PLA2G5: variants seen among roughly 807,000 people sequenced by gnomAD.
The protein encoded by PLA2G5 is phospholipase A2 group V.
A neutral mutation model predicts 15.9 loss-of-function variants in PLA2G5; 12 were observed. The ratio of observed to expected loss-of-function variants is 0.76; its 90% CI spans 0.48 to 1.23. PLA2G5 has a LOEUF of 1.23. PLA2G5 is among the 50% of genes most tolerant of loss of function. The pLI, the probability that PLA2G5 is intolerant of heterozygous loss-of-function variation, is 0.00. For synonymous variants in PLA2G5, 71 were observed against 71.4 expected, an observed-to-expected ratio of 0.99 and a Z score of 0.03; for missense variants, 169 against 177.1, an observed-to-expected ratio of 0.95 and a Z score of 0.26.
chr1:20,028,700 G>A (rs1471755547), exon 1 of PLA2G5: 7 of 152,248 alleles, frequency 4.6e-5, no homozygotes, highest in Non-Finnish European at 1.5e-5. Context: ...AGACTGACTG[G>A]GCTATGAAGG....
intron 2 of PLA2G5, among the ~76,000 whole-genome samples, chr1:20,061,634 A>G (rs1300612085): frequency 6.6e-6 from 1 of 151,730 alleles, no homozygotes; most frequent in Non-Finnish European, 1.5e-5. Flanking sequence ...ATGAAAGCAG[A>G]TTTCTCCTTT....
intron 1 of PLA2G5, among the ~76,000 whole-genome samples, chr1:20,044,051 G>C (rs1317880441): frequency 2.0e-5 from 3 of 152,206 alleles, no homozygotes; most frequent in Non-Finnish European, 4.4e-5. Flanking sequence ...GAGCTGGGCA[G>C]TCTGATTTCC....
Position 20,084,813 on chromosome 1 carries a change from T to A in PLA2G5, c.-10-8T>A. ...TAGATCTGTTGTGGGATGTGTTTTT[T>A]TTTCCAGAACCCCAGAGATGAAAGG... On this transcript the variant is annotated splice_region_variant and splice_polypyrimidine_tract_variant and intron_variant, in intron 1 of 4. Coordinates refer to ENST00000375108, the MANE Select transcript of PLA2G5 (RefSeq NM_000929.3). The A allele has an allele frequency of 6.2e-7, 1 of 1,602,982 alleles. No homozygotes were observed. Among genetic ancestry groups the A allele is most frequent in the Non-Finnish European group, 8.5e-7 (1 of 1,169,808 alleles).
chr1:20,048,098 A>G (rs2014008007), intron 1 of PLA2G5, among the ~76,000 whole-genome samples: 1 of 152,162 alleles, frequency 6.6e-6, no homozygotes. Context: ...TGTTGTGTAC[A>G]CAATGTTTCA....
chr1:20,061,805 G>A (rs571270520), intron 2 of PLA2G5, among the ~76,000 whole-genome samples: 15 of 152,270 alleles, frequency 9.9e-5, no homozygotes, highest in African/African-American at 3.6e-4. Flanking sequence ...TTGTATTTGT[G>A]TATCTTATCT....
chr1:20,064,978 A>G (rs1187740013), intron 2 of PLA2G5, among the ~76,000 whole-genome samples: 1 of 152,220 alleles, frequency 6.6e-6, no homozygotes, highest in African/African-American at 2.4e-5. Context: ...GTACTGCCTG[A>G]GAGCACCAAA....
intron 1 of PLA2G5, among the ~76,000 whole-genome samples, chr1:20,048,226 CTT>C (rs1004863820): frequency 3.2e-4 from 48 of 152,144 alleles, no homozygotes; most frequent in African/African-American, 1.1e-3. Context: ...AGTTTAATAA[CTT>C]AAGTAAAATC....
chr1:20,055,588 C>T (rs1468966075), intron 1 of PLA2G5, among the ~76,000 whole-genome samples: 1 of 152,160 alleles, frequency 6.6e-6, no homozygotes, highest in Non-Finnish European at 1.5e-5. Context: ...TAGACCTCTC[C>T]AGAAGCTCCC....
intron 2 of PLA2G5, among the ~76,000 whole-genome samples, chr1:20,060,056 A>C (rs1282031309): frequency 6.6e-6 from 1 of 152,030 alleles, no homozygotes; most frequent in Non-Finnish European, 1.5e-5. Flanking sequence ...TGAGGAAGTG[A>C]GAAAAGCCCA....
intron 1 of PLA2G5, among the ~76,000 whole-genome samples, chr1:20,076,572 C>T (rs929365417): frequency 3.6e-5 from 5 of 139,756 alleles, no homozygotes; most frequent in African/African-American, 1.3e-4. Context: ...GATGAGGTAC[C>T]TAACATCTGC....
At chr1:20,060,247 C>CTTCTTTTT (rs2014643351) in intron 2 of PLA2G5, among the ~76,000 whole-genome samples, 2 of 83,690 alleles carry the variant, frequency 2.4e-5, no homozygotes, top group East Asian at 9.8e-4. Flanking sequence ...CTTTTTTCTT[C>CTTCTTTTT]TTTTTTTTTT....
chr1:20,042,104 T>G (rs1260576147), intron 1 of PLA2G5, among the ~76,000 whole-genome samples: 1 of 152,170 alleles, frequency 6.6e-6, no homozygotes, highest in Non-Finnish European at 1.5e-5. Flanking sequence ...AGAGTCAGTA[T>G]GAATATTGAC....
At chr1:20,084,721 G>A in intron 1 of PLA2G5, 100 bp from the exon 2 acceptor site, 2 of 797,674 alleles carry the variant, frequency 2.5e-6, no homozygotes, top group Non-Finnish European at 2.2e-6. Flanking sequence ...ATGACGGGGA[G>A]TGGAATAGAT....
chr1:20,078,665 T>C (rs1280069543), intron 1 of PLA2G5, among the ~76,000 whole-genome samples: 1 of 152,104 alleles, frequency 6.6e-6, no homozygotes, highest in Non-Finnish European at 1.5e-5. Flanking sequence ...TTGAGTTGAA[T>C]TCACAGGGTT....
chr1:20,083,188 G>C (rs1252494656), intron 1 of PLA2G5, among the ~76,000 whole-genome samples: 2 of 151,880 alleles, frequency 1.3e-5, no homozygotes, highest in African/African-American at 2.4e-5. Context: ...GCTATGGGTG[G>C]ACAGAACCCT....
intron 1 of PLA2G5, among the ~76,000 whole-genome samples, chr1:20,071,463 A>G (rs543671792): frequency 3.3e-5 from 5 of 152,306 alleles, no homozygotes; most frequent in African/African-American, 1.2e-4. Context: ...CAAAGTATTA[A>G]TAAAAGACAC....
chr1:20,032,698 G>A (rs1311013817), intron 1 of PLA2G5, among the ~76,000 whole-genome samples: 1 of 152,180 alleles, frequency 6.6e-6, no homozygotes, highest in Non-Finnish European at 1.5e-5. Context: ...TGGAACTTGG[G>A]CAAGACAATT....
chr1:20,043,778 AC>A (rs1270797904), intron 1 of PLA2G5, among the ~76,000 whole-genome samples: 1 of 152,202 alleles, frequency 6.6e-6, no homozygotes, highest in Non-Finnish European at 1.5e-5. Context: ...AATACCCACA[AC>A]AGTTATGGGG....
upstream of PLA2G5, among the ~76,000 whole-genome samples, chr1:20,069,700 A>AAAGG (rs1323264092): frequency 1.3e-5 from 1 of 74,246 alleles, no homozygotes; most frequent in Non-Finnish European, 3.4e-5. Flanking sequence ...AGAAAGAAAG[A>AAAGG]AAGAAAGAAA....
Sources: allele counts gnomAD v4.1 joint callset (sites outside exome capture counted in the v4.1 genomes callset), GRCh38; gene constraint gnomAD v4.1.1; transcripts MANE v1.5; gene names NCBI Gene and HGNC (gene_info 2026-07-23, HGNC 2026-07-21).